Variants in UGT1A4 observed in about 807,000 individuals in gnomAD.
The protein encoded by UGT1A4 is UDP-glucuronosyltransferase 1A4.
UGT1A4 carries 32 observed loss-of-function variants against 41.1 expected under a neutral mutation model. The ratio of observed to expected loss-of-function variants is 0.78; its 90% CI spans 0.59 to 1.05. The LOEUF (loss-of-function observed/expected upper bound fraction) is 1.05, where lower values mean the gene tolerates loss of function less well. UGT1A4 is among the 50% of genes least tolerant of loss of function. UGT1A4 has a pLI of 0.00. For missense variants in UGT1A4, 748 were observed against 677.4 expected, an observed-to-expected ratio of 1.10 and a Z score of -1.16; for synonymous variants, 283 against 265.1, an observed-to-expected ratio of 1.07 and a Z score of -0.66.
chr2:233,749,231 T>A (rs10178992), intron 1 of UGT1A4, among the ~76,000 whole-genome samples: 55,848 of 151,690 alleles, frequency 0.37, 10,811 homozygotes, highest in African/African-American at 0.42. Context: ...CTTCATTTTT[T>A]AAAATCAAAC....
intron 1 of UGT1A4, chr2:233,747,663 A>G (rs1693743118): frequency 1.9e-6 from 3 of 1,600,614 alleles, no homozygotes; most frequent in Admixed American, 1.7e-5. Flanking sequence ...TGTGGTTTTA[A>G]TAGACCCAAT....
chr2:233,721,416 C>T, intron 1 of UGT1A4: 1 of 156,014 alleles, frequency 6.4e-6, no homozygotes, highest in Non-Finnish European at 1.4e-5. Flanking sequence ...GGACAGGTAC[C>T]CTAAGCATTG....
rs188435252 is a variant in UGT1A4 at position 233,751,450 on chromosome 2, T to A, written c.868-15584T>A. Among the ~76,000 whole-genome samples the A allele has an allele frequency of 9.0e-3, 1,372 of 152,108 alleles. 30 individuals carry two copies. The highest frequency in any genetic ancestry group is 0.031 in the African/African-American group (1,290 of 41,366). ...GAAATGAGTTAAGACTTTGGAAGAT[T>A]GTTGGGAAGGCACGATTGGTTTTGA... On this transcript the variant is annotated intron_variant, in intron 1 of 4. Coordinates refer to ENST00000373409, the MANE Select transcript of UGT1A4 (RefSeq NM_007120.3).
intron 1 of UGT1A4, chr2:233,755,429 C>T (rs1352884628): frequency 3.1e-6 from 1 of 319,032 alleles, no homozygotes; most frequent in Non-Finnish European, 6.1e-6. Flanking sequence ...CGCCTCGCAT[C>T]CCAAGATGCA....
At chr2:233,761,264 T>G in intron 1 of UGT1A4, 1 of 1,597,186 alleles carries the variant, frequency 6.3e-7, no homozygotes, top group Non-Finnish European at 8.5e-7. Flanking sequence ...TAATTTAAAA[T>G]GCCCTCTTTT....
intron 1 of UGT1A4, among the ~76,000 whole-genome samples, chr2:233,748,243 C>G (rs570859275): frequency 6.6e-6 from 1 of 151,666 alleles, no homozygotes; most frequent in Non-Finnish European, 1.5e-5. Context: ...TCTCTAGTAG[C>G]GTATTTCAGG....
At chr2:233,734,641 G>T (rs777455810) in intron 1 of UGT1A4, among the ~76,000 whole-genome samples, 1 of 152,096 alleles carries the variant, frequency 6.6e-6, no homozygotes, top group East Asian at 1.9e-4. Context: ...GCTTTCTCCT[G>T]TGGGGATTTA....
chr2:233,729,269 T>C, intron 1 of UGT1A4: 1 of 1,614,208 alleles, frequency 6.2e-7, no homozygotes, highest in Non-Finnish European at 8.5e-7. Context: ...CGGGAGGTCT[T>C]GCGGGAGCTC....
chr2:233,740,944 C>A (rs1030329888), intron 1 of UGT1A4: 6 of 151,278 alleles, frequency 4.0e-5, no homozygotes, highest in African/African-American at 1.5e-4. Flanking sequence ...TTTTAATTAG[C>A]TAGGTGTGGT....
At chr2:233,733,899 C>G (rs563890237) in intron 1 of UGT1A4, among the ~76,000 whole-genome samples, 41 of 152,048 alleles carry the variant, frequency 2.7e-4, no homozygotes, top group African/African-American at 9.9e-4. Flanking sequence ...CCTGTTTGTA[C>G]CTCTCTGGTA....
At chr2:233,760,734 G>C (rs1458334680) in intron 1 of UGT1A4, 2 of 1,614,080 alleles carry the variant, frequency 1.2e-6, no homozygotes, top group Non-Finnish European at 1.7e-6. Context: ...ATGTCATGCT[G>C]ACGGACCCTT....
At chr2:233,747,606 C>T (rs1358183781) in intron 1 of UGT1A4, 1 of 1,574,604 alleles carries the variant, frequency 6.4e-7, no homozygotes, top group Admixed American at 1.7e-5. Flanking sequence ...TGTGGAGCTA[C>T]TGCATAATGA....
At chr2:233,741,073 T>C (rs1691558137) in intron 1 of UGT1A4, among the ~76,000 whole-genome samples, 1 of 151,920 alleles carries the variant, frequency 6.6e-6, no homozygotes, top group South Asian at 2.1e-4. Context: ...AGCGAGACCC[T>C]GTCTTTAAAA....
At position 233,718,907 on chromosome 2, in the gene UGT1A4, A is replaced by C. The variant is rs368882210; in HGVS notation, c.87A>C (p.Gly29=). The C allele has an allele frequency of 2.5e-6, 4 of 1,613,892 alleles. No homozygotes were observed. The highest frequency in any genetic ancestry group is 1.7e-4 in the Middle Eastern group (1 of 6,028). ...LLSVQPWAES[G]KVLVVPTDGS... ...GTGTCCAGCCCTGGGCTGAGAGTGG[A>C]AAGGTGTTGGTGGTGCCCACTGATG... The change falls in exon 1 of 5, where the codon GGA becomes GGC. Residue 29 remains glycine, a synonymous_variant. Transcript: ENST00000373409.
intron 1 of UGT1A4, among the ~76,000 whole-genome samples, chr2:233,744,723 G>A (rs187577100): frequency 9.2e-5 from 14 of 151,876 alleles, no homozygotes; most frequent in Admixed American, 8.5e-4. Flanking sequence ...AGAGAATGAC[G>A]GTGAAAAAAT....
At chr2:233,753,022 A>G (rs1695114886) in intron 1 of UGT1A4, among the ~76,000 whole-genome samples, 1 of 152,162 alleles carries the variant, frequency 6.6e-6, no homozygotes, top group South Asian at 2.1e-4. Context: ...GTGATTTACA[A>G]CACAAAAAAC....
intron 1 of UGT1A4, among the ~76,000 whole-genome samples, chr2:233,725,606 C>T (rs1199312835): frequency 2.0e-5 from 3 of 152,058 alleles, no homozygotes; most frequent in South Asian, 4.1e-4. Context: ...ATAGTTTTTT[C>T]TTGCTAAGTC....
chr2:233,751,840 C>T (rs55891750), intron 1 of UGT1A4, among the ~76,000 whole-genome samples: 9,684 of 152,142 alleles, frequency 0.064, 535 homozygotes, highest in African/African-American at 0.14. Context: ...GGAACTGAGT[C>T]ATTTAAACCT....
In UGT1A4 at chr2:233,769,481, G is replaced by A. The variant is rs35791110; in HGVS notation, c.1307+1042G>A. ...TTCATATGCGTGTGTGTGTGTGTGC[G>A]TGTGTTTATGAGAGTGTCCATTGCT... On this transcript the variant is annotated intron_variant, in intron 4 of 4. Coordinates refer to ENST00000373409, the MANE Select transcript of UGT1A4 (RefSeq NM_007120.3). This position sits in a 1 kb window ranked among gnomAD's most constrained non-coding sequence, Gnocchi z 4.4. 5.5e-4 allele frequency: 893 copies of A among 1,612,192 alleles called. 4 individuals are homozygous for A. The African/African-American group carries it at 9.9e-3, about 18-fold the overall frequency.
Sources: gnomAD v4.1 joint callset for allele counts (sites outside exome capture counted in the v4.1 genomes callset) on GRCh38, gnomAD v4.1.1 for gene constraint, Gnocchi (gnomAD v3.1) non-coding constraint, MANE v1.5 for transcripts, NCBI Gene and HGNC (gene_info 2026-07-23, HGNC 2026-07-21) for gene names.